MLLT10: variants seen among roughly 807,000 people sequenced by gnomAD.
MLLT10 encodes the protein MLLT10 histone lysine methyltransferase DOT1L cofactor.
MLLT10 carries 30 observed loss-of-function variants against 129.1 expected under a neutral mutation model. The ratio of observed to expected loss-of-function variants is 0.23; its 90% CI spans 0.17 to 0.32. The LOEUF (loss-of-function observed/expected upper bound fraction) is 0.32, where lower values mean the gene tolerates loss of function less well. MLLT10 is among the 10% of genes least tolerant of loss of function. The pLI, the probability that MLLT10 is intolerant of heterozygous loss-of-function variation, is 1.00. For synonymous variants in MLLT10, 490 were observed against 446.4 expected (o/e 1.10, Z -1.23); for missense variants, 1,119 against 1,268.3 (o/e 0.88, Z 1.79).
intron 3 of MLLT10, among the ~76,000 whole-genome samples, chr10:21,553,056 A>C (rs1162076206): frequency 1.3e-5 from 2 of 152,066 alleles, no homozygotes; most frequent in African/African-American, 4.8e-5. Flanking sequence ...CTTCTTGCTT[A>C]TATTGGATTC....
chr10:21,613,361 G>A (rs1181688657), intron 6 of MLLT10, among the ~76,000 whole-genome samples: 1 of 152,184 alleles, frequency 6.6e-6, no homozygotes, highest in Non-Finnish European at 1.5e-5. Context: ...CACTGCCAGT[G>A]TAAGTACATG....
intron 9 of MLLT10, among the ~76,000 whole-genome samples, chr10:21,660,025 G>T (rs1232514572): frequency 6.6e-6 from 1 of 151,984 alleles, no homozygotes; most frequent in East Asian, 1.9e-4. Context: ...GCCCGGGCTG[G>T]AGTGCAGTGG....
chr10:21,583,463 A>G lies in MLLT10; in HGVS notation c.241-2831A>G, dbSNP rs759338552. Among the ~76,000 whole-genome samples, 68 of 152,300 alleles carry G rather than the reference A, an allele frequency of 4.5e-4. 1 individual carries two copies. The highest frequency in any genetic ancestry group is 1.6e-3 in the African/African-American group (65 of 41,568). On this transcript the variant is annotated intron_variant, in intron 3 of 22. Transcript: ENST00000307729. ...AGTGAAATACTGAAAGGCAAGAAGT[A>G]TAGTGGTATTAGCCTGTTTCAGGTT... is the stretch of plus-strand genomic sequence containing the variant.
intron 3 of MLLT10, among the ~76,000 whole-genome samples, chr10:21,572,782 T>G (rs1451253002): frequency 2.0e-5 from 3 of 151,792 alleles, no homozygotes; most frequent in African/African-American, 7.3e-5. Context: ...ACAGCTAATT[T>G]TTATGTTTTT....
At chr10:21,603,799 G>A (rs1341409823) in intron 5 of MLLT10, among the ~76,000 whole-genome samples, 3 of 151,506 alleles carry the variant, frequency 2.0e-5, no homozygotes, top group Non-Finnish European at 4.4e-5. Context: ...AGTGATGGAT[G>A]TCAGTGGTTG....
At chr10:21,713,683 C>G (rs1405474965) in intron 13 of MLLT10, 89 bp from the exon 14 acceptor site, 1 of 1,124,124 alleles carries the variant, frequency 8.9e-7, no homozygotes, top group African/African-American at 1.6e-5. Flanking sequence ...GAGGAGGGAT[C>G]CAGGAGGAAA....
intron 8 of MLLT10, among the ~76,000 whole-genome samples, chr10:21,618,454 G>A (rs1418994903): frequency 6.6e-6 from 1 of 151,890 alleles, no homozygotes; most frequent in Admixed American, 6.6e-5. Flanking sequence ...GCAGTGAGCC[G>A]AGATCATGCC....
intron 21 of MLLT10, 33 bp from the exon 22 acceptor site, chr10:21,739,997 A>AC: frequency 6.7e-7 from 1 of 1,481,708 alleles, no homozygotes; most frequent in Non-Finnish European, 9.3e-7. Context: ...CGTGCTTGGG[A>AC]ACTCATTTTC....
At chr10:21,712,354 C>A (rs1241520357) in intron 13 of MLLT10, among the ~76,000 whole-genome samples, 1 of 152,170 alleles carries the variant, frequency 6.6e-6, no homozygotes, top group Non-Finnish European at 1.5e-5. Flanking sequence ...GCTGGGACTA[C>A]AGGCATGTGC....
At position 21,733,968 on chromosome 10, in the gene MLLT10, T is replaced by G; in HGVS notation, c.2697T>G (p.Ile899Met). 6.2e-7 allele frequency: 1 copy of G among 1,614,144 alleles called. No homozygotes were observed. Among genetic ancestry groups the G allele is most frequent in the Non-Finnish European group, 8.5e-7 (1 of 1,180,024 alleles). The change falls in exon 20 of 23, where the codon ATT becomes ATG. Residue 899 changes from isoleucine (I) to methionine (M), a missense_variant. Ile to Met is a conservative substitution (Grantham distance 10). This residue lies in a region of MLLT10 where 1,004 missense variants were observed against 1,008.7 expected (regional missense o/e 1.00). Coordinates refer to ENST00000307729, the MANE Select transcript of MLLT10 (RefSeq NM_001195626.3). ...IPAVSAVGGI[I>M]GALPGNQLAI... ...CCGTGTCTGCAGTGGGTGGAATAAT[T>G]GGAGCTTTGCCAGGTAACCAACTGG...
At chr10:21,717,810 T>C (rs199737647) in intron 14 of MLLT10, among the ~76,000 whole-genome samples, 3,975 of 87,572 alleles carry the variant, frequency 0.045, 225 homozygotes, top group African/African-American at 0.1. Flanking sequence ...TCCTTCTTCT[T>C]CTCCTTCTTC....
In MLLT10 at chr10:21,741,946, G is replaced by A. The variant is rs901194141; in HGVS notation, c.3170G>A (p.Ser1057Asn). The part of the protein sequence containing the change: ...DNASQKVARL[S>N]DKTGPVAQEK... ...TCTTTTGTTTACCTGCAGAGACTTAGTGATAAAACTGGGCCTGTAGCTCAA... is the reference window on the plus strand; with the variant it reads ...TCTTTTGTTTACCTGCAGAGACTTAATGATAAAACTGGGCCTGTAGCTCAA... The change falls in exon 23 of 23, where the codon AGT becomes AAT. Residue 1057 changes from serine (S) to asparagine (N), a missense_variant. Transcript: ENST00000307729. 3 of 1,611,416 alleles carry A rather than the reference G, an allele frequency of 1.9e-6. No individual in the cohort carries two copies. Among genetic ancestry groups the A allele is most frequent in the African/African-American group, 1.3e-5 (1 of 74,876 alleles).
intron 3 of MLLT10, among the ~76,000 whole-genome samples, chr10:21,539,267 C>T (rs1564365529): frequency 6.6e-6 from 1 of 152,122 alleles, no homozygotes; most frequent in Non-Finnish European, 1.5e-5. Flanking sequence ...ATTGATAATT[C>T]TCTTAGGTTT....
At chr10:21,627,690 A>T (rs1399093571) in intron 8 of MLLT10, among the ~76,000 whole-genome samples, 2 of 152,122 alleles carry the variant, frequency 1.3e-5, no homozygotes, top group Non-Finnish European at 2.9e-5. Flanking sequence ...ACAGTGGCCT[A>T]GATTTTATCT....
rs183946631 is a variant in MLLT10, at chr10:21,728,615, C to T, written c.2063+687C>T. On this transcript the variant is annotated intron_variant, in intron 16 of 22. Coordinates refer to ENST00000307729, the MANE Select transcript of MLLT10 (RefSeq NM_001195626.3). ...TTCTGTGCGTTCTCTTTGTTTTCTC[C>T]ATGTTCTCTAATTTAGGAACCCTCC... Among the ~76,000 whole-genome samples, 19 of 152,082 alleles carry T rather than the reference C, an allele frequency of 1.2e-4. 2 individuals carry two copies. In the East Asian group the frequency reaches 2.9e-3, roughly 23 times the overall value.
chr10:21,615,994 C>T (rs2131207963), intron 7 of MLLT10, among the ~76,000 whole-genome samples: 1 of 151,764 alleles, frequency 6.6e-6, no homozygotes, highest in East Asian at 1.9e-4. Context: ...TTATATTTCC[C>T]TTGTGAATGG....
chr10:21,584,452 C>T lies in MLLT10; in HGVS notation c.241-1842C>T, dbSNP rs189380644. Among the ~76,000 whole-genome samples the T allele has an allele frequency of 1.1e-4, 16 of 152,088 alleles. 1 individual carries two copies. In the East Asian group the frequency reaches 2.5e-3, roughly 24 times the overall value. On this transcript the variant is annotated intron_variant, in intron 3 of 22. Coordinates refer to ENST00000307729, the MANE Select transcript of MLLT10 (RefSeq NM_001195626.3). ...TGCTGGGATTATAGGCGTGAGCCAC[C>T]GCGCCCAGCCAATAGGCTCTATTTT...
intron 3 of MLLT10, among the ~76,000 whole-genome samples, chr10:21,559,715 G>A (rs2038555193): frequency 1.3e-5 from 2 of 152,004 alleles, no homozygotes; most frequent in African/African-American, 2.4e-5. Context: ...TTGTTCTTTT[G>A]TACGTAGCTT....
Position 21,733,059 on chromosome 10 carries a change from T to C in MLLT10, c.2379T>C (p.His793=). The change falls in exon 18 of 23, where the codon CAT becomes CAC. Residue 793 remains histidine, a synonymous_variant. Transcript: ENST00000307729. ...PTITANPSPS[H]QIHTFSAQTA... ...TAACAGCAAATCCTAGTCCGTCTCA[T>C]CAAATACACACATTTTCAGCACAGA... The C allele has an allele frequency of 6.2e-7, 1 of 1,612,060 alleles. No homozygotes were observed. The highest frequency in any genetic ancestry group is 8.5e-7 in the Non-Finnish European group (1 of 1,179,142).
Sources: allele counts gnomAD v4.1 joint callset (sites outside exome capture counted in the v4.1 genomes callset), GRCh38; gene constraint gnomAD v4.1.1; regional missense constraint gnomAD v4.1.1; transcripts MANE v1.5; gene names NCBI Gene and HGNC (gene_info 2026-07-23, HGNC 2026-07-21).